The following INPP4B variants were observed in gnomAD, a reference collection of about 807,000 sequenced individuals.
The protein encoded by INPP4B is inositol polyphosphate-4-phosphatase type II B.
A neutral mutation model predicts 122.5 loss-of-function variants in INPP4B; 55 were observed. The ratio of observed to expected loss-of-function variants is 0.45; its 90% CI spans 0.36 to 0.56. The LOEUF is 0.56. Among genes scored for constraint, INPP4B ranks in the 20% least tolerant of loss-of-function variants. The pLI is 0.00. For missense variants in INPP4B, 1,000 were observed against 1,097.7 expected, an observed-to-expected ratio of 0.91 and a Z score of 1.26; for synonymous variants, 403 against 388.7, an observed-to-expected ratio of 1.04 and a Z score of -0.43.
intron 2 of INPP4B, among the ~76,000 whole-genome samples, chr4:142,637,387 A>T (rs1749399325): frequency 6.6e-6 from 1 of 152,058 alleles, no homozygotes; most frequent in Non-Finnish European, 1.5e-5. Context: ...TCAATCACTC[A>T]TTTTTTATTA....
intron 2 of INPP4B, among the ~76,000 whole-genome samples, chr4:142,669,106 T>C (rs1047435967): frequency 6.6e-6 from 1 of 151,882 alleles, no homozygotes; most frequent in African/African-American, 2.4e-5. Flanking sequence ...TTAATAAATT[T>C]AACTAAGAGG....
chr4:142,512,010 A>G (rs1824785811), intron 2 of INPP4B, among the ~76,000 whole-genome samples: 1 of 152,174 alleles, frequency 6.6e-6, no homozygotes, highest in East Asian at 1.9e-4. Context: ...TGCCATAGCC[A>G]TTTATAAGAC....
intron 11 of INPP4B, among the ~76,000 whole-genome samples, chr4:142,240,846 G>A (rs1434523525): frequency 1.3e-5 from 2 of 151,974 alleles, no homozygotes; most frequent in African/African-American, 4.8e-5. Flanking sequence ...TTGTTGCACT[G>A]GTTACAAAAA....
At chr4:142,418,701 G>A (rs1199834401) in intron 5 of INPP4B, among the ~76,000 whole-genome samples, 2 of 152,124 alleles carry the variant, frequency 1.3e-5, no homozygotes, top group Non-Finnish European at 2.9e-5. Flanking sequence ...GGTTGATAGA[G>A]AGTGAGCTAG....
chr4:142,773,415 T>C (rs185690869), intron 1 of INPP4B, among the ~76,000 whole-genome samples: 5 of 152,282 alleles, frequency 3.3e-5, no homozygotes, highest in African/African-American at 4.8e-5. Flanking sequence ...GTGGCAGAAC[T>C]GTCTAATGGA....
intron 2 of INPP4B, among the ~76,000 whole-genome samples, chr4:142,618,512 G>T (rs971253794): frequency 2.0e-5 from 3 of 151,958 alleles, no homozygotes; most frequent in African/African-American, 7.2e-5. Flanking sequence ...AAACAGCACT[G>T]GGGAAACTAG....
chr4:142,430,068 C>T (rs1291855863), intron 4 of INPP4B, among the ~76,000 whole-genome samples: 1 of 152,068 alleles, frequency 6.6e-6, no homozygotes, highest in Non-Finnish European at 1.5e-5. Context: ...AAATCCTTTC[C>T]TTGCTTATTT....
chr4:142,509,379 C>G (rs1824422493), intron 2 of INPP4B, among the ~76,000 whole-genome samples: 1 of 152,034 alleles, frequency 6.6e-6, no homozygotes, highest in African/African-American at 2.4e-5. Context: ...CCTCCCCTTG[C>G]CCCCCATCCC....
At chr4:142,055,871 T>G (rs970935217) in intron 25 of INPP4B, among the ~76,000 whole-genome samples, 3 of 151,880 alleles carry the variant, frequency 2.0e-5, no homozygotes, top group Non-Finnish European at 4.4e-5. Context: ...ATTGTGTACT[T>G]TATTTCTATT....
intron 2 of INPP4B, among the ~76,000 whole-genome samples, chr4:142,701,986 C>T (rs563970292): frequency 9.9e-5 from 15 of 152,158 alleles, no homozygotes; most frequent in African/African-American, 3.6e-4. Context: ...ACAAAATGAA[C>T]TAGGTGAAAT....
intron 2 of INPP4B, among the ~76,000 whole-genome samples, chr4:142,529,903 G>C (rs920445919): frequency 6.6e-6 from 1 of 152,050 alleles, no homozygotes; most frequent in Non-Finnish European, 1.5e-5. Context: ...AAATAAAAAA[G>C]AGAAACAGAG....
intron 2 of INPP4B, among the ~76,000 whole-genome samples, chr4:142,626,944 C>T (rs2150400965): frequency 6.6e-6 from 1 of 152,084 alleles, no homozygotes; most frequent in South Asian, 2.1e-4. Context: ...ATTTCTCATC[C>T]AAATGAAAGC....
At chr4:142,330,402 C>T (rs1237537014) in intron 7 of INPP4B, among the ~76,000 whole-genome samples, 1 of 152,156 alleles carries the variant, frequency 6.6e-6, no homozygotes, top group Non-Finnish European at 1.5e-5. Context: ...GTGAAACATT[C>T]TTCATCTGCA....
intron 2 of INPP4B, among the ~76,000 whole-genome samples, chr4:142,523,926 C>T (rs1394980613): frequency 6.9e-5 from 10 of 144,672 alleles, no homozygotes; most frequent in Non-Finnish European, 1.2e-4. Context: ...TTTGTTCTTG[C>T]GATAGTTTAC....
chr4:142,810,348 T>A (rs563071564), intron 1 of INPP4B, among the ~76,000 whole-genome samples: 2 of 152,300 alleles, frequency 1.3e-5, no homozygotes, highest in South Asian at 4.1e-4. Flanking sequence ...TATTTAATTA[T>A]AGAATAGTAT....
At chr4:142,159,054 T>G (rs1311698669) in intron 17 of INPP4B, among the ~76,000 whole-genome samples, 1 of 151,980 alleles carries the variant, frequency 6.6e-6, no homozygotes, top group Non-Finnish European at 1.5e-5. Flanking sequence ...ATTATATAAT[T>G]TATATTACTT....
intron 9 of INPP4B, among the ~76,000 whole-genome samples, chr4:142,280,942 G>A (rs1750908260): frequency 6.6e-6 from 1 of 151,914 alleles, no homozygotes; most frequent in African/African-American, 2.4e-5. Flanking sequence ...CACCTGAATA[G>A]TAGGAAGCAT....
chr4:142,731,749 C>G (rs1304235308), intron 1 of INPP4B, among the ~76,000 whole-genome samples: 1 of 147,500 alleles, frequency 6.8e-6, no homozygotes, highest in Non-Finnish European at 1.5e-5. Context: ...AGGACATAGA[C>G]TCAAAAGAAC....
intron 2 of INPP4B, among the ~76,000 whole-genome samples, chr4:142,591,048 C>T (rs1303495955): frequency 6.6e-6 from 1 of 152,114 alleles, no homozygotes; most frequent in Non-Finnish European, 1.5e-5. Context: ...GGCCTGGTGG[C>T]TCATACCTGT....
Sources: gnomAD v4.1 joint callset for allele counts (sites outside exome capture counted in the v4.1 genomes callset) on GRCh38, gnomAD v4.1.1 for gene constraint, MANE v1.5 for transcripts, NCBI Gene and HGNC (gene_info 2026-07-23, HGNC 2026-07-21) for gene names.